AFF3: variants seen among roughly 807,000 people sequenced by gnomAD.
AFF3 encodes ALF transcription elongation factor 3, also known as AF4/FMR2 family member 3.
AFF3 carries 32 observed loss-of-function variants against 129.7 expected under a neutral mutation model. The ratio of observed to expected loss-of-function variants is 0.25; its 90% CI spans 0.19 to 0.33. The LOEUF is 0.33. AFF3 is among the 10% of genes least tolerant of loss of function. The pLI, the probability that AFF3 is intolerant of heterozygous loss-of-function variation, is 1.00. For missense variants in AFF3, 1,373 were observed against 1,592.0 expected, an observed-to-expected ratio of 0.86 and a Z score of 2.34; for synonymous variants, 644 against 635.4, an observed-to-expected ratio of 1.01 and a Z score of -0.20.
At position 99,551,505 on chromosome 2, in the gene AFF3, T is replaced by C; in HGVS notation, c.3650A>G (p.His1217Arg). Residue 1217 changes from histidine to arginine, a missense_variant, in exon 25 of 25, where the codon CAC becomes CGC. This residue lies in a region of AFF3 where 165 missense variants were observed against 234.0 expected (regional missense o/e 0.71). Transcript: ENST00000672756. ...HLVQYSQQGL[H>R]WLRNSAHLS is the part of the protein sequence containing the mutation. ...CAGGTGGGCGCTGTTCCGCAGCCAG[T>C]GCAGGCCCTGTTGGGAGTACTGGAC... The C allele has an allele frequency of 1.2e-6, 2 of 1,614,084 alleles. No individual in the cohort carries two copies.
intron 4 of AFF3, among the ~76,000 whole-genome samples, chr2:100,014,804 G>C (rs1682857043): frequency 1.1e-5 from 1 of 87,576 alleles, no homozygotes; most frequent in Non-Finnish European, 2.3e-5. Flanking sequence ...TTTTTTTTTA[G>C]ACGGAGTCTC....
At chr2:99,641,428 A>G (rs538307272) in intron 13 of AFF3, among the ~76,000 whole-genome samples, 1 of 152,230 alleles carries the variant, frequency 6.6e-6, no homozygotes, top group African/African-American at 2.4e-5. Context: ...CTGTAATTTC[A>G]GCACTTTGGG....
chr2:100,070,784 G>A (rs1688118643), intron 4 of AFF3, among the ~76,000 whole-genome samples: 1 of 152,096 alleles, frequency 6.6e-6, no homozygotes, highest in South Asian at 2.1e-4. Flanking sequence ...TCAGCTCATG[G>A]TAGATGCTCA....
chr2:99,554,577 A>C, intron 23 of AFF3, 43 bp from the exon 24 acceptor site: 1 of 1,608,824 alleles, frequency 6.2e-7, no homozygotes, highest in Non-Finnish European at 8.5e-7. Flanking sequence ...CGAGGTCGGG[A>C]GCAAGCGAGG....
At chr2:99,955,472 C>G (rs1676554544) in intron 7 of AFF3, among the ~76,000 whole-genome samples, 1 of 152,076 alleles carries the variant, frequency 6.6e-6, no homozygotes, top group Non-Finnish European at 1.5e-5. Context: ...ACAAGAAGTA[C>G]TGCCATAAAT....
At chr2:99,576,362 A>G (rs1676992914) in intron 18 of AFF3, among the ~76,000 whole-genome samples, 1 of 151,804 alleles carries the variant, frequency 6.6e-6, no homozygotes, top group Non-Finnish European at 1.5e-5. Flanking sequence ...AAAAAAAAAA[A>G]AAATTTAACT....
intron 4 of AFF3, among the ~76,000 whole-genome samples, chr2:100,037,000 T>C (rs113627243): frequency 3.9e-5 from 6 of 152,168 alleles, no homozygotes; most frequent in African/African-American, 1.4e-4. Flanking sequence ...ACAGGTAAAA[T>C]CCTTCTGGAG....
intron 7 of AFF3, among the ~76,000 whole-genome samples, chr2:99,934,434 A>G (rs562351394): frequency 6.6e-6 from 1 of 152,328 alleles, no homozygotes; most frequent in East Asian, 1.9e-4. Flanking sequence ...GGAATTCCCT[A>G]AAACAACAGA....
chr2:99,892,537 C>T (rs1229775766), intron 7 of AFF3, among the ~76,000 whole-genome samples: 2 of 152,148 alleles, frequency 1.3e-5, no homozygotes, highest in African/African-American at 2.4e-5. Flanking sequence ...CTATTTTAAT[C>T]TGTCTCCCAG....
chr2:99,665,750 T>C (rs913514243), intron 12 of AFF3, among the ~76,000 whole-genome samples: 2 of 152,130 alleles, frequency 1.3e-5, no homozygotes, highest in African/African-American at 4.8e-5. Context: ...GGAATAAACA[T>C]GGAAAGTTTC....
At chr2:99,724,267 C>CTTTCTTTTTTT (rs1679163210) in intron 11 of AFF3, among the ~76,000 whole-genome samples, 1 of 27,008 alleles carries the variant, frequency 3.7e-5, no homozygotes, top group South Asian at 1.7e-3. Flanking sequence ...GTGGAATGAC[C>CTTTCTTTTTTT]TTTCTTTTTT....
intron 12 of AFF3, among the ~76,000 whole-genome samples, chr2:99,664,320 T>C (rs1402704453): frequency 6.6e-6 from 1 of 152,236 alleles, no homozygotes. Flanking sequence ...GTAAACTTTC[T>C]AAGGAAACCT....
intron 4 of AFF3, among the ~76,000 whole-genome samples, chr2:100,033,001 T>C (rs1265788916): frequency 3.3e-5 from 5 of 152,236 alleles, no homozygotes; most frequent in Non-Finnish European, 7.3e-5. Context: ...TGTTATGCCT[T>C]ATCCTCTGTA....
intron 11 of AFF3, among the ~76,000 whole-genome samples, chr2:99,709,537 T>C (rs1677707382): frequency 6.6e-6 from 1 of 152,160 alleles, no homozygotes; most frequent in South Asian, 2.1e-4. Context: ...AAAAGATTTT[T>C]CTCTTGCAGT....
intron 8 of AFF3, among the ~76,000 whole-genome samples, chr2:99,809,831 T>G (rs1686652499): frequency 6.6e-6 from 1 of 152,226 alleles, no homozygotes; most frequent in South Asian, 2.1e-4. Flanking sequence ...GTTCACTAAC[T>G]CCTTTGGTAC....
chr2:100,010,290 T>C (rs1045524595), intron 4 of AFF3, among the ~76,000 whole-genome samples: 5 of 152,186 alleles, frequency 3.3e-5, no homozygotes, highest in Admixed American at 2.0e-4. Flanking sequence ...TAACTATCTT[T>C]AGTAAAACAG....
intron 13 of AFF3, among the ~76,000 whole-genome samples, chr2:99,603,219 TTTCC>T (rs1680006106): frequency 6.6e-6 from 1 of 152,092 alleles, no homozygotes; most frequent in African/African-American, 2.4e-5. Context: ...GTAATATTTC[TTTCC>T]TTCCTTATGA....
At position 99,563,702 on chromosome 2, in the gene AFF3, G is replaced by A. The variant is rs542843750; in HGVS notation, c.3119+1785C>T. Among the ~76,000 whole-genome samples, 7 of 151,018 alleles carry A rather than the reference G, an allele frequency of 4.6e-5. No individual in the cohort carries two copies. In the East Asian group the frequency reaches 1.4e-3, roughly 30 times the overall value. Reference sequence around the variant, plus strand: ...GTGCATGCCTGTAATCCGAGCTACTGGGGAGGCTGAGGCAGGAGAATCACT... The same window carrying A: ...GTGCATGCCTGTAATCCGAGCTACTAGGGAGGCTGAGGCAGGAGAATCACT... On this transcript the variant is annotated intron_variant, in intron 20 of 24. Coordinates refer to ENST00000672756, the MANE Select transcript of AFF3 (RefSeq NM_001386135.1).
chr2:99,587,323 G>C (rs1328440978), intron 15 of AFF3, 45 bp from the exon 16 acceptor site: 1 of 1,608,308 alleles, frequency 6.2e-7, no homozygotes, highest in South Asian at 1.1e-5. Flanking sequence ...GATTTCAAGA[G>C]GTATTATGAG....
Sources: allele counts gnomAD v4.1 joint callset (sites outside exome capture counted in the v4.1 genomes callset), GRCh38; gene constraint gnomAD v4.1.1; regional missense constraint gnomAD v4.1.1; transcripts MANE v1.5; gene names NCBI Gene and HGNC (gene_info 2026-07-23, HGNC 2026-07-21).